The following BPIFA3 variants were observed in gnomAD, a reference collection of about 807,000 sequenced individuals.
BPIFA3 encodes the protein BPI fold containing family A member 3.
BPIFA3 carries 32 observed loss-of-function variants against 29.7 expected under a neutral mutation model. The ratio of observed to expected loss-of-function variants is 1.08; its 90% CI spans 0.81 to 1.45. BPIFA3 has a LOEUF of 1.45. BPIFA3 is among the 40% of genes most tolerant of loss of function. The probability of loss-of-function intolerance (pLI) is 0.00; values close to 1 mark genes in which losing one functional copy is unlikely to be tolerated. For synonymous variants in BPIFA3, 112 were observed against 113.7 expected (o/e 0.98, Z 0.10); for missense variants, 323 against 311.3 (o/e 1.04, Z -0.28).
intron 4 of BPIFA3, 95 bp from the exon 5 acceptor site, chr20:33,226,311 A>G (rs1434863945): frequency 5.4e-6 from 5 of 917,638 alleles, no homozygotes; most frequent in African/African-American, 1.7e-5. Flanking sequence ...AGTGAGGACT[A>G]AAAGACTGTG....
At chr20:33,226,317 C>A in intron 4 of BPIFA3, 89 bp from the exon 5 acceptor site, 1 of 938,144 alleles carries the variant, frequency 1.1e-6, no homozygotes, top group South Asian at 1.4e-5. Context: ...GACTAAAAGA[C>A]TGTGGAAAGT....
At chr20:33,217,873 T>A (rs1391640413) in intron 1 of BPIFA3, among the ~76,000 whole-genome samples, 3 of 152,208 alleles carry the variant, frequency 2.0e-5, no homozygotes, top group African/African-American at 7.2e-5. Context: ...CACTGCAAGG[T>A]CCCCCTTTTG....
intron 1 of BPIFA3, among the ~76,000 whole-genome samples, chr20:33,219,633 T>C (rs1985418753): frequency 6.6e-6 from 1 of 152,212 alleles, no homozygotes; most frequent in Admixed American, 6.5e-5. Flanking sequence ...CCCCAACTCA[T>C]CTACTAAATG....
Position 33,223,887 on chromosome 20 carries a change from C to T in BPIFA3, c.204C>T (p.Ala68=), listed in dbSNP as rs200445146. 27 of 1,614,084 alleles carry T rather than the reference C, an allele frequency of 1.7e-5. No homozygotes were observed. Among genetic ancestry groups the T allele is most frequent in the Non-Finnish European group, 2.5e-6 (3 of 1,180,028 alleles). Reference sequence around the variant, plus strand: ...TCCACTTTGGGGACAGACTGAATGCCTCAGCACAAGTGGCCCCAGGGCTGG... The same window carrying T: ...TCCACTTTGGGGACAGACTGAATGCTTCAGCACAAGTGGCCCCAGGGCTGG... ...QNIHFGDRLN[A]SAQVAPGLVG... Residue 68 remains alanine, a synonymous_variant, in exon 2 of 7, where the codon GCC becomes GCT. Transcript: ENST00000375454.
rs1220717155 is a variant in BPIFA3 at position 33,217,605 on chromosome 20, G to C, written c.69G>C (p.Lys23Asn). The change falls in exon 1 of 7, where the codon AAG (lysine) becomes AAC (asparagine). Residue 23 changes from lysine to asparagine, a missense_variant. By Grantham distance (94) the Lys-to-Asn change is moderately conservative. Coordinates refer to ENST00000375454, the MANE Select transcript of BPIFA3 (RefSeq NM_178466.5). Reference sequence around the variant, plus strand: ...TGGCCTTGCCCTTGGCACCACACAAGCAGCCTTGGCCTGGCCTGGCCCAAG... The same window carrying C: ...TGGCCTTGCCCTTGGCACCACACAACCAGCCTTGGCCTGGCCTGGCCCAAG... ...GLLALPLAPH[K>N]QPWPGLAQAH... 1 of 1,614,130 alleles carries C rather than the reference G, an allele frequency of 6.2e-7. No homozygotes were observed.
chr20:33,227,518 G>T lies in BPIFA3; in HGVS notation c.686-20G>T, dbSNP rs773802857. 1 of 1,604,746 alleles carries T rather than the reference G, an allele frequency of 6.2e-7. No individual in the cohort carries two copies. The highest frequency in any genetic ancestry group is 8.5e-7 in the Non-Finnish European group (1 of 1,171,666). On this transcript the variant is annotated intron_variant, in intron 6 of 6. Transcript: ENST00000375454. Reference sequence around the variant, plus strand: ...GGAGGTGGGCACACTGGTGACAGACGCTACCTCTTCTCCTTACAGAACAGG... The same window carrying T: ...GGAGGTGGGCACACTGGTGACAGACTCTACCTCTTCTCCTTACAGAACAGG...
intron 3 of BPIFA3, 22 bp downstream of exon 3, chr20:33,224,484 T>C: frequency 6.4e-7 from 1 of 1,569,868 alleles, no homozygotes; most frequent in Non-Finnish European, 8.8e-7. Flanking sequence ...AGAAGCAGAA[T>C]CTGAGAGGTG....
chr20:33,224,507 G>A (rs752605444), intron 3 of BPIFA3, 45 bp downstream of exon 3: 19 of 1,454,656 alleles, frequency 1.3e-5, no homozygotes, highest in South Asian at 3.5e-5. Flanking sequence ...GGCCCTCCTC[G>A]CAGGGAACCT....
chr20:33,224,575 C>T, intron 3 of BPIFA3, 113 bp downstream of exon 3: 1 of 899,418 alleles, frequency 1.1e-6, no homozygotes, highest in Non-Finnish European at 1.8e-6. Flanking sequence ...TCCAAAGCCA[C>T]TTGCTGTGTG....
chr20:33,227,480 G>T (rs1419919874), intron 6 of BPIFA3, 58 bp from the exon 7 acceptor site: 4 of 1,409,506 alleles, frequency 2.8e-6, no homozygotes, highest in African/African-American at 1.4e-5. Flanking sequence ...GTTTCCCTTC[G>T]GTGTGGGAGT....
At chr20:33,225,436 C>G in intron 4 of BPIFA3, 189 bp downstream of exon 4, 1 of 692,324 alleles carries the variant, frequency 1.4e-6, no homozygotes, top group Non-Finnish European at 2.4e-6. Context: ...ACTCTTCTCC[C>G]TCCTCACTCC....
chr20:33,225,196 T>C lies in BPIFA3; in HGVS notation c.485T>C (p.Ile162Thr). The stretch of plus-strand genomic sequence containing the variant: ...GAGTTTGGCCGGAGGGATCTGGTGA[T>C]AGGCAAATGCGATGCAGAGCCCAGC... The part of the protein sequence containing the change: ...KDEFGRRDLV[I>T]GKCDAEPSSV... Residue 162 changes from isoleucine (I) to threonine (T), a missense_variant, in exon 4 of 7, where the codon ATA (isoleucine) becomes ACA (threonine). Ile to Thr is a moderately conservative substitution (Grantham distance 89, BLOSUM62 -1). Transcript: ENST00000375454. The C allele has an allele frequency of 6.2e-7, 1 of 1,614,154 alleles. No individual in the cohort carries two copies. The highest frequency in any genetic ancestry group is 8.5e-7 in the Non-Finnish European group (1 of 1,180,030).
rs1026676215 is a variant in BPIFA3 at position 33,227,558 on chromosome 20, C to G, written c.706C>G (p.Pro236Ala). 1 of 1,613,970 alleles carries G rather than the reference C, an allele frequency of 6.2e-7. No individual in the cohort carries two copies. Among genetic ancestry groups the G allele is most frequent in the African/African-American group, 1.3e-5 (1 of 74,892 alleles). The part of the protein sequence containing the change: ...SLIEQEAAHE[P>A]THHETSQPSA... ...TACAGAACAGGAGGCTGCTCATGAA[C>G]CAACCCACCATGAAACCAGCCAACC... Residue 236 changes from proline (P) to alanine (A), a missense_variant, in exon 7 of 7, where the codon CCA (proline) becomes GCA (alanine). Coordinates refer to ENST00000375454, the MANE Select transcript of BPIFA3 (RefSeq NM_178466.5).
chr20:33,219,460 C>T (rs901391277), intron 1 of BPIFA3, among the ~76,000 whole-genome samples: 7 of 152,150 alleles, frequency 4.6e-5, no homozygotes, highest in African/African-American at 1.7e-4. Context: ...GTCTTAAGAC[C>T]TTGCTCCTAC....
At chr20:33,222,726 G>A (rs967208201) in intron 1 of BPIFA3, among the ~76,000 whole-genome samples, 1 of 152,048 alleles carries the variant, frequency 6.6e-6, no homozygotes, top group African/African-American at 2.4e-5. Context: ...ATGAATATTA[G>A]ACTGGCAACC....
Position 33,226,971 on chromosome 20 carries a change from G to T in BPIFA3, c.663G>T (p.Val221=), listed in dbSNP as rs139539413. The change falls in exon 6 of 7, where the codon GTG becomes GTT. Residue 221 remains valine, a synonymous_variant. Coordinates refer to ENST00000375454, the MANE Select transcript of BPIFA3 (RefSeq NM_178466.5). ...LIGEILGQLD[V]KLLKSLIEQE... ...GTGAAATCCTCGGGCAGCTGGATGT[G>T]AAACTGTTGAAAAGCCTCATAGGTG... 1.2e-6 allele frequency: 2 copies of T among 1,614,068 alleles called. No homozygotes were observed. The highest frequency in any genetic ancestry group is 4.5e-5 in the East Asian group (2 of 44,878).
chr20:33,220,412 G>C (rs1342115109), intron 1 of BPIFA3, among the ~76,000 whole-genome samples: 1 of 151,734 alleles, frequency 6.6e-6, no homozygotes, highest in African/African-American at 2.4e-5. Context: ...AAAAAAATAA[G>C]GCTGGAAATT....
At chr20:33,224,293 G>A (rs1985669707) in intron 2 of BPIFA3, 62 bp from the exon 3 acceptor site, 3 of 1,351,492 alleles carry the variant, frequency 2.2e-6, no homozygotes, top group Non-Finnish European at 2.1e-6. Context: ...TTTCTCAGCA[G>A]GAAGCCTTAC....
chr20:33,226,759 A>G (rs1040224253), intron 5 of BPIFA3, 171 bp from the exon 6 acceptor site: 1 of 693,360 alleles, frequency 1.4e-6, no homozygotes, highest in Non-Finnish European at 2.5e-6. Context: ...CAAAGCGTCG[A>G]AGTGTTGTGC....
Sources: allele counts gnomAD v4.1 joint callset (sites outside exome capture counted in the v4.1 genomes callset), GRCh38; gene constraint gnomAD v4.1.1; transcripts MANE v1.5; gene names NCBI Gene and HGNC (gene_info 2026-07-23, HGNC 2026-07-21).